The following EYS variants were observed in gnomAD, a reference collection of about 807,000 sequenced individuals.
The protein encoded by EYS is EGF-like photoreceptor maintenance factor.
Under a neutral mutation model 282.1 loss-of-function variants are expected in EYS, and 250 were observed. That is an observed-to-expected ratio of 0.89 (90% CI 0.80 to 0.98). The LOEUF (loss-of-function observed/expected upper bound fraction) is 0.98, where lower values mean the gene tolerates loss of function less well. EYS is among the 50% of genes least tolerant of loss of function. EYS has a pLI of 0.00. For synonymous variants in EYS, 1,355 were observed against 1,282.9 expected, an observed-to-expected ratio of 1.06 and a Z score of -1.20; for missense variants, 4,016 against 3,709.0, an observed-to-expected ratio of 1.08 and a Z score of -2.15.
At chr6:64,652,797 T>G (rs1935423756) in intron 22 of EYS, among the ~76,000 whole-genome samples, 1 of 152,174 alleles carries the variant, frequency 6.6e-6, no homozygotes, top group Admixed American at 6.5e-5. Flanking sequence ...AAATATGACA[T>G]ACTACACACA....
Position 63,721,642 on chromosome 6 carries a change from G to GGTA in EYS, c.8386_8388dup (p.Tyr2796dup). The GGTA allele has an allele frequency of 6.4e-7, 1 of 1,551,314 alleles. No homozygotes were observed. Among genetic ancestry groups the GGTA allele is most frequent in the Non-Finnish European group, 8.7e-7 (1 of 1,146,652 alleles). ...GTTACATTTATCCCATCTAGATCCAGGTAGCCTTCTGCACCAACTCTTCCT... is the reference window on the plus strand; with the variant it reads ...GTTACATTTATCCCATCTAGATCCAGGTAGTAGCCTTCTGCACCAACTCTTCCT... On this transcript the variant is annotated inframe_insertion, in exon 43 of 43. Coordinates refer to ENST00000503581, the MANE Select transcript of EYS (RefSeq NM_001142800.2).
chr6:65,672,485 T>C (rs1562320418), intron 1 of EYS, among the ~76,000 whole-genome samples: 2 of 152,060 alleles, frequency 1.3e-5, no homozygotes, highest in Non-Finnish European at 2.9e-5. Context: ...AGAAAAACTT[T>C]CCCTGTTTGG....
At chr6:64,916,422 A>G (rs1768165459) in intron 15 of EYS, among the ~76,000 whole-genome samples, 1 of 152,198 alleles carries the variant, frequency 6.6e-6, no homozygotes, top group Admixed American at 6.5e-5. Flanking sequence ...GCTGAGTTCT[A>G]TGGAGATAAC....
intron 30 of EYS, among the ~76,000 whole-genome samples, chr6:64,274,711 G>A (rs1373228033): frequency 6.6e-6 from 1 of 151,764 alleles, no homozygotes; most frequent in East Asian, 1.9e-4. Flanking sequence ...TACTTATATT[G>A]TGACATTAGT....
At chr6:64,695,086 C>A (rs2149918388) in intron 22 of EYS, among the ~76,000 whole-genome samples, 2 of 152,186 alleles carry the variant, frequency 1.3e-5, no homozygotes, top group Non-Finnish European at 2.9e-5. Flanking sequence ...TGCCTTCCAA[C>A]CACTTGGAAG....
chr6:64,663,277 C>A (rs539218616), intron 22 of EYS, among the ~76,000 whole-genome samples: 1 of 152,240 alleles, frequency 6.6e-6, no homozygotes, highest in Non-Finnish European at 1.5e-5. Context: ...GGGAAAATTG[C>A]TCAGTTTTTA....
rs763120793 is a variant in EYS at position 65,495,177 on chromosome 6, G to C, written c.234C>G (p.Cys78Trp). 6.2e-7 allele frequency: 1 copy of C among 1,614,072 alleles called. No homozygotes were observed. The highest frequency in any genetic ancestry group is 1.1e-5 in the South Asian group (1 of 91,086). ...TSGNQAVPQI[C>W]PLQIQLGDIL... ...TATCTCCTAATTGAATTTGCAAAGG[G>C]CAAATCTGGGGAACAGCTTGATTGC... Residue 78 changes from cysteine (C) to tryptophan (W), a missense_variant, in exon 4 of 43, where the codon TGC becomes TGG. Cys to Trp is a radical substitution (Grantham distance 215). Transcript: ENST00000503581.
chr6:64,298,816 A>T (rs1769130038), intron 30 of EYS, among the ~76,000 whole-genome samples: 1 of 152,148 alleles, frequency 6.6e-6, no homozygotes. Flanking sequence ...TATTAAATAG[A>T]TTAAAACTGA....
At chr6:65,525,157 T>C (rs1472614272) in intron 2 of EYS, among the ~76,000 whole-genome samples, 1 of 152,008 alleles carries the variant, frequency 6.6e-6, no homozygotes, top group Non-Finnish European at 1.5e-5. Flanking sequence ...TCTAAACCCA[T>C]TTTAAAGTCA....
At chr6:64,395,224 C>T (rs527743438) in intron 28 of EYS, among the ~76,000 whole-genome samples, 5,797 of 152,042 alleles carry the variant, frequency 0.038, 355 homozygotes, top group African/African-American at 0.13. Context: ...GTCAGTGTGG[C>T]GATTCCTCAG....
intron 12 of EYS, among the ~76,000 whole-genome samples, chr6:65,123,574 T>C (rs535597320): frequency 6.6e-6 from 1 of 152,212 alleles, no homozygotes; most frequent in African/African-American, 2.4e-5. Context: ...TATGAAATAA[T>C]TGCAATTGAG....
chr6:64,946,796 T>G (rs1769300312), intron 14 of EYS, among the ~76,000 whole-genome samples: 1 of 151,996 alleles, frequency 6.6e-6, no homozygotes, highest in Admixed American at 6.6e-5. Context: ...GAATGCCAAG[T>G]ATCTCACTAA....
At chr6:64,455,603 T>C (rs1350146121) in intron 26 of EYS, among the ~76,000 whole-genome samples, 1 of 152,026 alleles carries the variant, frequency 6.6e-6, no homozygotes, top group African/African-American at 2.4e-5. Context: ...TCCCTCCCCA[T>C]GTCCCCAATC....
chr6:64,956,378 G>C (rs755075225), intron 14 of EYS, among the ~76,000 whole-genome samples: 1 of 152,126 alleles, frequency 6.6e-6, no homozygotes. Context: ...TGGGAAAGCT[G>C]GATATCCATA....
chr6:63,845,805 A>T (rs1005185764), intron 36 of EYS, among the ~76,000 whole-genome samples: 1 of 152,184 alleles, frequency 6.6e-6, no homozygotes, highest in African/African-American at 2.4e-5. Flanking sequence ...TAACCAAAAG[A>T]GCTTTTAGAT....
chr6:65,373,569 C>T (rs1272702775), intron 8 of EYS, among the ~76,000 whole-genome samples: 1 of 151,992 alleles, frequency 6.6e-6, no homozygotes, highest in African/African-American at 2.4e-5. Flanking sequence ...TAATTTTTTA[C>T]AAGTGGATAA....
chr6:63,826,387 G>A (rs1771461219), intron 36 of EYS, among the ~76,000 whole-genome samples: 2 of 152,164 alleles, frequency 1.3e-5, no homozygotes, highest in South Asian at 4.1e-4. Flanking sequence ...GAAGCACAAA[G>A]AGCACCTGGG....
intron 26 of EYS, among the ~76,000 whole-genome samples, chr6:64,547,343 A>T (rs1024065803): frequency 6.6e-6 from 1 of 152,012 alleles, no homozygotes; most frequent in Non-Finnish European, 1.5e-5. Flanking sequence ...TTTTACAGAG[A>T]GCTGATTGGT....
chr6:64,729,460 C>T (rs927613365), intron 22 of EYS, among the ~76,000 whole-genome samples: 12 of 152,080 alleles, frequency 7.9e-5, no homozygotes, highest in Non-Finnish European at 1.2e-4. Flanking sequence ...GACTTGGTCT[C>T]CTGCACTTTG....
Sources: gnomAD v4.1 joint callset for allele counts (sites outside exome capture counted in the v4.1 genomes callset) on GRCh38, gnomAD v4.1.1 for gene constraint, MANE v1.5 for transcripts, NCBI Gene and HGNC (gene_info 2026-07-23, HGNC 2026-07-21) for gene names.